Variants in OR4M1 observed in about 807,000 individuals in gnomAD.
The protein encoded by OR4M1 is olfactory receptor family 4 subfamily M member 1.
A neutral mutation model predicts 9.8 loss-of-function variants in OR4M1; 7 were observed. That is an observed-to-expected ratio of 0.71 (90% CI 0.41 to 1.34). The LOEUF is 1.34. Ranked by LOEUF, OR4M1 falls within the 40% of genes most tolerant of loss-of-function variation. OR4M1 has a pLI of 0.01. For missense variants in OR4M1, 331 were observed against 380.4 expected, an observed-to-expected ratio of 0.87 and a Z score of 1.08; for synonymous variants, 121 against 139.8, an observed-to-expected ratio of 0.87 and a Z score of 0.95.
Position 19,782,607 on chromosome 14 carries a change from C to T in OR4M1, c.*1343C>T, listed in dbSNP as rs1364879651. 6.6e-6 allele frequency: 1 copy of T among 152,152 alleles called. No homozygotes were observed. The allele number at this position is 152,152 out of a possible 1,614,324, so 9.4% of individuals were successfully genotyped here. ...ATTGAGGAGGTAATTTATGCCAGACCCAGTGTACCTCGGATGCACAGGATG... is the reference window on the plus strand; with the variant it reads ...ATTGAGGAGGTAATTTATGCCAGACTCAGTGTACCTCGGATGCACAGGATG... On this transcript the variant is annotated 3_prime_UTR_variant, in exon 2 of 2. Transcript: ENST00000641200.
At chr14:19,779,022 T>A (rs1462114611) in intron 1 of OR4M1, among the ~76,000 whole-genome samples, 5 of 152,224 alleles carry the variant, frequency 3.3e-5, no homozygotes, top group African/African-American at 4.8e-5. Context: ...ACTGTTTTTG[T>A]GCGTGTGTGT....
At chr14:19,778,962 T>A (rs1453160446) in intron 1 of OR4M1, among the ~76,000 whole-genome samples, 2 of 152,200 alleles carry the variant, frequency 1.3e-5, no homozygotes, top group African/African-American at 4.8e-5. Context: ...ATTACTCAAT[T>A]TCTGAGTATT....
At chr14:19,778,007 C>T (rs1878362323) in intron 1 of OR4M1, among the ~76,000 whole-genome samples, 1 of 152,132 alleles carries the variant, frequency 6.6e-6, no homozygotes, top group South Asian at 2.1e-4. Flanking sequence ...CCACTTGACA[C>T]TTGTGAAGGG....
rs754598132 is a variant in OR4M1 at position 19,780,892 on chromosome 14, C to T, written c.570C>T (p.Ala190=). 6.2e-6 allele frequency: 10 copies of T among 1,614,208 alleles called. No individual in the cohort carries two copies. Among genetic ancestry groups the T allele is most frequent in the Non-Finnish European group, 8.5e-6 (10 of 1,180,034 alleles). Residue 190 remains alanine, a synonymous_variant, in exon 2 of 2, where the codon GCC becomes GCT. Transcript: ENST00000641200. The stretch of plus-strand genomic sequence containing the variant: ...CACAGGTTGTCCGGATTGCCTGTGC[C>T]AACACCTTCCCAGAGGAGTTAGTGA... ...DITQVVRIAC[A]NTFPEELVMI...
chr14:19,779,189 C>A (rs1204095211), intron 1 of OR4M1, among the ~76,000 whole-genome samples: 1 of 152,112 alleles, frequency 6.6e-6, no homozygotes, highest in Non-Finnish European at 1.5e-5. Flanking sequence ...TACATAGTGC[C>A]CATAAGTGTT....
chr14:19,775,118 T>C (rs1878270909), intron 1 of OR4M1, among the ~76,000 whole-genome samples: 1 of 152,222 alleles, frequency 6.6e-6, no homozygotes. Context: ...CCACTGCTGA[T>C]ATCAACCAAC....
At chr14:19,778,228 C>A (rs1054427409) in intron 1 of OR4M1, among the ~76,000 whole-genome samples, 9 of 152,110 alleles carry the variant, frequency 5.9e-5, no homozygotes, top group Non-Finnish European at 1.2e-4. Context: ...TCCATAATAC[C>A]TGATGTATGT....
At position 19,782,850 on chromosome 14, in the gene OR4M1, A is replaced by G. The variant is rs1002913093; in HGVS notation, c.*1586A>G. The G allele has an allele frequency of 7.0e-6, 1 of 142,112 alleles. No individual in the cohort carries two copies. The highest frequency in any genetic ancestry group is 1.6e-5 in the Non-Finnish European group (1 of 63,062). The allele number at this position is 142,112 out of a possible 1,614,324, so 8.8% of individuals were successfully genotyped here. A position where few individuals can be genotyped will look rare whatever the true frequency, so the allele number is the denominator to read the frequency against. ...AACACAGCATGAAAAAATATAAAGTACAAAAGATATATATATATAATATGA... is the reference window on the plus strand; with the variant it reads ...AACACAGCATGAAAAAATATAAAGTGCAAAAGATATATATATATAATATGA... On this transcript the variant is annotated 3_prime_UTR_variant, in exon 2 of 2. Coordinates refer to ENST00000641200, the MANE Select transcript of OR4M1 (RefSeq NM_001005500.2).
At chr14:19,774,590 T>C (rs1360198392) in intron 1 of OR4M1, among the ~76,000 whole-genome samples, 3 of 152,344 alleles carry the variant, frequency 2.0e-5, no homozygotes, top group Non-Finnish European at 4.4e-5. Flanking sequence ...ATGGGAGCCA[T>C]AGAAATGTGA....
rs1878510933 is a variant in OR4M1 at position 19,781,882 on chromosome 14, A to T, written c.*618A>T. ...GAGACAGAACTCAAAATTTTATCAC[A>T]TTATGAAAACAAATTTTATGAATTC... On this transcript the variant is annotated 3_prime_UTR_variant, in exon 2 of 2. Coordinates refer to ENST00000641200, the MANE Select transcript of OR4M1 (RefSeq NM_001005500.2). 6.5e-6 allele frequency: 1 copy of T among 152,716 alleles called. No homozygotes were observed. The highest frequency in any genetic ancestry group is 1.5e-5 in the Non-Finnish European group (1 of 68,420). The allele number at this position is 152,716 out of a possible 1,614,324, so 9.5% of individuals were successfully genotyped here.
At chr14:19,775,035 C>G (rs1299273385) in intron 1 of OR4M1, among the ~76,000 whole-genome samples, 1 of 152,254 alleles carries the variant, frequency 6.6e-6, no homozygotes, top group Non-Finnish European at 1.5e-5. Flanking sequence ...CTTCTTACAT[C>G]CCCGCCCTCG....
intron 1 of OR4M1, among the ~76,000 whole-genome samples, chr14:19,777,787 G>A (rs1402814648): frequency 2.0e-5 from 3 of 152,186 alleles, no homozygotes; most frequent in East Asian, 1.9e-4. Context: ...AATAGGAATT[G>A]TTGCATCATT....
At chr14:19,773,767 T>C (rs1327942788) in intron 1 of OR4M1, among the ~76,000 whole-genome samples, 174 bp downstream of exon 1, 1 of 151,946 alleles carries the variant, frequency 6.6e-6, no homozygotes, top group Non-Finnish European at 1.5e-5. Context: ...GAGCAGGTCA[T>C]AGCTGTAGAG....
chr14:19,775,215 C>A (rs1241687304), intron 1 of OR4M1, among the ~76,000 whole-genome samples: 1 of 152,224 alleles, frequency 6.6e-6, no homozygotes, highest in Non-Finnish European at 1.5e-5. Flanking sequence ...ATATGCTACT[C>A]ATGAAGGGGC....
At position 19,780,777 on chromosome 14, in the gene OR4M1, G is replaced by A. The variant is rs1316639867; in HGVS notation, c.455G>A (p.Gly152Asp). 4.3e-6 allele frequency: 7 copies of A among 1,614,100 alleles called. No individual in the cohort carries two copies. The highest frequency in any genetic ancestry group is 4.5e-5 in the East Asian group (2 of 44,898). ...CTGGTGGCTCTCTCCTGGATGGGGG[G>A]CTTCATTCATTCTATAATACAGGTG... Reference protein sequence around the residue: ...CILVALSWMGGFIHSIIQVAL... With the variant: ...CILVALSWMGDFIHSIIQVAL... The change falls in exon 2 of 2, where the codon GGC (glycine) becomes GAC (aspartate). Residue 152 changes from glycine (G) to aspartate (D), a missense_variant. Physicochemically the swap from Gly to Asp is moderately conservative, Grantham distance 94. Coordinates refer to ENST00000641200, the MANE Select transcript of OR4M1 (RefSeq NM_001005500.2).
rs1401515113 is a variant in OR4M1 at position 19,780,969 on chromosome 14, T to C, written c.647T>C (p.Met216Thr). 5 of 1,614,130 alleles carry C rather than the reference T, an allele frequency of 3.1e-6. No homozygotes were observed. The change falls in exon 2 of 2, where the codon ATG (methionine) becomes ACG (threonine). Residue 216 changes from methionine to threonine, a missense_variant. By Grantham distance (81) the Met-to-Thr change is moderately conservative. Around this residue, in one of 2 missense-constraint regions of OR4M1, gnomAD observed 122 missense variants for 180.5 expected, o/e 0.68. Transcript: ENST00000641200. Reference sequence around the variant, plus strand: ...GTGGTGTGTTTCATTGCTCTGTTAATGTCCTATGCCTTCCTTCTGGCCTTG... The same window carrying C: ...GTGGTGTGTTTCATTGCTCTGTTAACGTCCTATGCCTTCCTTCTGGCCTTG... ...ISVVCFIALL[M>T]SYAFLLALLK...
chr14:19,782,248 G>C lies in OR4M1; in HGVS notation c.*984G>C, dbSNP rs1878522051. The C allele has an allele frequency of 6.6e-6, 1 of 152,232 alleles. No individual in the cohort carries two copies. Among genetic ancestry groups the C allele is most frequent in the Non-Finnish European group, 1.5e-5 (1 of 68,050 alleles). 9.4% of individuals were successfully genotyped at this position (152,232 alleles called of 1,614,324 possible). ...GTGTTGGTTCCCATGATCCCTTAGA[G>C]AATTATTAGGGACTGATTTCCTATT... On this transcript the variant is annotated 3_prime_UTR_variant, in exon 2 of 2. Transcript: ENST00000641200.
chr14:19,777,036 ATATATATATATATT>A (rs1289294755), intron 1 of OR4M1, among the ~76,000 whole-genome samples: 1,629 of 125,334 alleles, frequency 0.013, 27 homozygotes, highest in Non-Finnish European at 0.015. Context: ...ATATATATAT[ATATATATATATATT>A]GTTTGTTTGT....
chr14:19,778,830 A>AG (rs1878383184), intron 1 of OR4M1, among the ~76,000 whole-genome samples: 1 of 151,606 alleles, frequency 6.6e-6, no homozygotes, highest in Admixed American at 6.6e-5. Context: ...TTTTGATTAA[A>AG]TCTTCCTAAA....
Sources: gnomAD v4.1 joint callset for allele counts (sites outside exome capture counted in the v4.1 genomes callset) on GRCh38, gnomAD v4.1.1 for gene constraint, gnomAD v4.1.1 regional missense constraint, MANE v1.5 for transcripts, NCBI Gene and HGNC (gene_info 2026-07-23, HGNC 2026-07-21) for gene names.